The following GRID2 variants were observed in gnomAD, a reference collection of about 807,000 sequenced individuals.
GRID2 encodes the protein glutamate receptor ionotropic, delta-2.
A neutral mutation model predicts 114.8 loss-of-function variants in GRID2; 33 were observed. The observed-to-expected ratio is 0.29, with a 90% CI of 0.22 to 0.38. The LOEUF (loss-of-function observed/expected upper bound fraction) is 0.38. GRID2 is among the 10% of genes least tolerant of loss of function. The pLI is 1.00. For synonymous variants in GRID2, 505 were observed against 449.9 expected (o/e 1.12, Z -1.55); for missense variants, 1,184 against 1,257.7 (o/e 0.94, Z 0.89).
intron 2 of GRID2, among the ~76,000 whole-genome samples, chr4:92,642,751 A>C (rs1032980534): frequency 6.6e-6 from 1 of 151,662 alleles, no homozygotes; most frequent in African/African-American, 2.4e-5. Flanking sequence ...TTGATAAGGA[A>C]ATTTCCTAGG....
At chr4:92,921,035 C>CT (rs1288299356) in intron 2 of GRID2, among the ~76,000 whole-genome samples, 1 of 152,136 alleles carries the variant, frequency 6.6e-6, no homozygotes, top group Non-Finnish European at 1.5e-5. Flanking sequence ...TTCTTGGAGG[C>CT]TTTGTTCATT....
chr4:92,345,044 C>G (rs543513103), intron 1 of GRID2, among the ~76,000 whole-genome samples: 2 of 152,322 alleles, frequency 1.3e-5, no homozygotes, highest in Admixed American at 1.3e-4. Context: ...CTCCTTTCAG[C>G]TTTCTCCCCT....
At chr4:93,582,488 C>A (rs1236630418) in intron 13 of GRID2, among the ~76,000 whole-genome samples, 1 of 152,184 alleles carries the variant, frequency 6.6e-6, no homozygotes, top group East Asian at 1.9e-4. Context: ...ATTCTGCCCA[C>A]CACACTGCCC....
intron 7 of GRID2, among the ~76,000 whole-genome samples, chr4:93,228,520 G>A (rs1745759956): frequency 6.6e-6 from 1 of 152,098 alleles, no homozygotes; most frequent in Non-Finnish European, 1.5e-5. Flanking sequence ...TCTTTGCCAA[G>A]GATAATTTTA....
intron 2 of GRID2, among the ~76,000 whole-genome samples, chr4:92,866,648 A>G (rs866725023): frequency 6.6e-6 from 1 of 150,890 alleles, no homozygotes; most frequent in African/African-American, 2.4e-5. Context: ...GGTTCACGCC[A>G]TTCTCCTGCC....
chr4:93,687,007 G>A (rs73839800), intron 14 of GRID2, among the ~76,000 whole-genome samples: 2,676 of 152,084 alleles, frequency 0.018, 73 homozygotes, highest in African/African-American at 0.061. Context: ...TAGAAGCTGG[G>A]AGAACAGTTA....
intron 1 of GRID2, among the ~76,000 whole-genome samples, chr4:92,439,187 G>T (rs1356287445): frequency 6.6e-6 from 1 of 152,082 alleles, no homozygotes; most frequent in Non-Finnish European, 1.5e-5. Context: ...TGCTTTTTGA[G>T]CCAGGATGAG....
intron 11 of GRID2, among the ~76,000 whole-genome samples, chr4:93,474,676 C>T (rs546576614): frequency 2.0e-5 from 3 of 152,028 alleles, no homozygotes; most frequent in African/African-American, 7.2e-5. Context: ...GCGGAGACAC[C>T]AGGAGGCTTC....
intron 2 of GRID2, among the ~76,000 whole-genome samples, chr4:92,914,528 C>T (rs187031247): frequency 6.6e-6 from 1 of 152,192 alleles, no homozygotes; most frequent in Admixed American, 6.6e-5. Context: ...GGTATTAAGC[C>T]TAGTAATCAT....
intron 1 of GRID2, among the ~76,000 whole-genome samples, chr4:92,307,746 A>G: frequency 6.6e-6 from 1 of 152,332 alleles, no homozygotes; most frequent in East Asian, 1.9e-4. Context: ...ATCATTACGT[A>G]TATTTTTAAT....
chr4:92,646,795 T>C (rs954006746), intron 2 of GRID2, among the ~76,000 whole-genome samples: 1 of 152,248 alleles, frequency 6.6e-6, no homozygotes, highest in African/African-American at 2.4e-5. Flanking sequence ...TATTTCGTAT[T>C]CTATTTATGT....
intron 8 of GRID2, among the ~76,000 whole-genome samples, chr4:93,348,973 T>A (rs1760516579): frequency 6.6e-6 from 1 of 152,108 alleles, no homozygotes. Flanking sequence ...ATTTATTTAT[T>A]TATTTATTAG....
At chr4:93,703,840 G>A (rs1213115874) in intron 14 of GRID2, among the ~76,000 whole-genome samples, 1 of 151,936 alleles carries the variant, frequency 6.6e-6, no homozygotes, top group African/African-American at 2.4e-5. Flanking sequence ...CTTATTTATG[G>A]CTGCATAGTA....
At chr4:93,370,628 G>A (rs1029246464) in intron 8 of GRID2, among the ~76,000 whole-genome samples, 2 of 151,934 alleles carry the variant, frequency 1.3e-5, no homozygotes, top group African/African-American at 4.8e-5. Flanking sequence ...TCTTTTTTCT[G>A]CTTTAAGGTT....
intron 9 of GRID2, among the ~76,000 whole-genome samples, chr4:93,413,572 A>G (rs1767419272): frequency 6.6e-6 from 1 of 152,156 alleles, no homozygotes; most frequent in African/African-American, 2.4e-5. Context: ...ATTCATTTTT[A>G]TCCTTGCCAG....
chr4:92,403,898 C>T (rs1420248999), intron 1 of GRID2, among the ~76,000 whole-genome samples: 7 of 151,782 alleles, frequency 4.6e-5, no homozygotes, highest in East Asian at 1.9e-4. Flanking sequence ...AGTCTGAACA[C>T]GCATAATATT....
chr4:93,471,698 A>AT (rs897411033), intron 11 of GRID2, among the ~76,000 whole-genome samples: 1,235 of 61,014 alleles, frequency 0.02, 303 homozygotes, highest in South Asian at 0.046. Context: ...CCTGAATTCA[A>AT]TTTTTTTTTT....
chr4:92,763,573 T>G (rs572708999), intron 2 of GRID2, among the ~76,000 whole-genome samples: 1 of 152,210 alleles, frequency 6.6e-6, no homozygotes, highest in Non-Finnish European at 1.5e-5. Context: ...CATATGTGCA[T>G]AGGTTATATG....
At chr4:93,023,462 A>G (rs1013427069) in intron 2 of GRID2, among the ~76,000 whole-genome samples, 1 of 151,980 alleles carries the variant, frequency 6.6e-6, no homozygotes, top group Non-Finnish European at 1.5e-5. Flanking sequence ...TCATTTACAC[A>G]TATGTCCGTT....
Sources: allele counts gnomAD v4.1 joint callset (sites outside exome capture counted in the v4.1 genomes callset), GRCh38; gene constraint gnomAD v4.1.1; transcripts MANE v1.5; gene names NCBI Gene and HGNC (gene_info 2026-07-23, HGNC 2026-07-21).